EGFR: variants seen among roughly 807,000 people sequenced by gnomAD.
The protein encoded by EGFR is epidermal growth factor receptor, also known as avian erythroblastic leukemia viral (v-erb-b) oncogene homolog.
A neutral mutation model predicts 143.0 loss-of-function variants in EGFR; 58 were observed. That is an observed-to-expected ratio of 0.41 (90% CI 0.33 to 0.50). EGFR has a LOEUF of 0.50. Ranked by LOEUF, EGFR falls within the 20% of genes least tolerant of loss-of-function variation. The probability of loss-of-function intolerance (pLI) is 0.39; values close to 1 mark genes in which losing one functional copy is unlikely to be tolerated. For missense variants in EGFR, 1,307 were observed against 1,579.0 expected, an observed-to-expected ratio of 0.83 and a Z score of 2.92; for synonymous variants, 613 against 594.4, an observed-to-expected ratio of 1.03 and a Z score of -0.45.
chr7:55,112,879 C>T (rs1792598435), intron 1 of EGFR, among the ~76,000 whole-genome samples: 1 of 152,186 alleles, frequency 6.6e-6, no homozygotes, highest in Admixed American at 6.5e-5. Context: ...AGTCAAGTGC[C>T]AGTGCAACAC....
intron 1 of EGFR, among the ~76,000 whole-genome samples, chr7:55,129,236 A>G (rs1793698806): frequency 6.6e-6 from 1 of 152,222 alleles, no homozygotes; most frequent in Non-Finnish European, 1.5e-5. Context: ...CAGAGGATGT[A>G]GTTGTGTGGA....
rs1467640610 is a variant in EGFR, at chr7:55,173,020, G to T, written c.1957G>T (p.Ala653Ser). 2 of 1,614,108 alleles carry T rather than the reference G, an allele frequency of 1.2e-6. No individual in the cohort carries two copies. The highest frequency in any genetic ancestry group is 2.2e-5 in the South Asian group (2 of 91,092). ...GTCCATCGCCACTGGGATGGTGGGG[G>T]CCCTCCTCTTGCTGCTGGTGGTGGC... ...IPSIATGMVG[A>S]LLLLLVVALG... Residue 653 changes from alanine to serine, a missense_variant, in exon 17 of 28, where the codon GCC becomes TCC. Transcript: ENST00000275493.
At chr7:55,159,680 G>A (rs1785601017) in intron 11 of EGFR, among the ~76,000 whole-genome samples, 2 of 152,206 alleles carry the variant, frequency 1.3e-5, no homozygotes, top group Non-Finnish European at 2.9e-5. Flanking sequence ...TCCTGGAGAG[G>A]AGGAAACATA....
At chr7:55,077,508 G>A (rs1790194253) in intron 1 of EGFR, among the ~76,000 whole-genome samples, 1 of 152,182 alleles carries the variant, frequency 6.6e-6, no homozygotes, top group Admixed American at 6.5e-5. Flanking sequence ...TGAAAAGTGT[G>A]TGTGTGTTGT....
intron 1 of EGFR, among the ~76,000 whole-genome samples, chr7:55,047,489 C>G (rs559081568): frequency 6.6e-6 from 1 of 152,346 alleles, no homozygotes; most frequent in Non-Finnish European, 1.5e-5. Flanking sequence ...GTGGCTCACA[C>G]CTGTAATCCC....
intron 7 of EGFR, among the ~76,000 whole-genome samples, chr7:55,155,246 A>C (rs1234148798): frequency 6.6e-6 from 1 of 152,230 alleles, no homozygotes; most frequent in Non-Finnish European, 1.5e-5. Flanking sequence ...GTTTGGGACC[A>C]GCCTGGCCAA....
intron 11 of EGFR, among the ~76,000 whole-genome samples, chr7:55,159,602 C>G (rs758557156): frequency 2.8e-4 from 43 of 152,226 alleles, no homozygotes; most frequent in Admixed American, 2.8e-3. Context: ...GTTGCCCACA[C>G]TCACTGTGCT....
At chr7:55,111,539 T>A (rs1187367690) in intron 1 of EGFR, among the ~76,000 whole-genome samples, 1 of 152,184 alleles carries the variant, frequency 6.6e-6, no homozygotes, top group African/African-American at 2.4e-5. Context: ...CAAAATACTG[T>A]CTAAAAAACA....
chr7:55,116,307 C>T (rs1792838863), intron 1 of EGFR, among the ~76,000 whole-genome samples: 1 of 152,214 alleles, frequency 6.6e-6, no homozygotes, highest in African/African-American at 2.4e-5. Flanking sequence ...ACGCAATGCG[C>T]ACATCCCACC....
At chr7:55,089,753 C>A (rs1005435828) in intron 1 of EGFR, among the ~76,000 whole-genome samples, 2 of 152,134 alleles carry the variant, frequency 1.3e-5, no homozygotes, top group African/African-American at 4.8e-5. Flanking sequence ...AGACCCACCT[C>A]TCACCTTTCC....
rs2128932481 is a variant in EGFR at position 55,151,307 on chromosome 7, T to A, written c.573T>A (p.Asp191Glu). 3 of 1,614,234 alleles carry A rather than the reference T, an allele frequency of 1.9e-6. No individual in the cohort carries two copies. The highest frequency in any genetic ancestry group is 1.7e-5 in the Admixed American group (1 of 60,024). The stretch of plus-strand genomic sequence containing the variant: ...TTTACATTTCAGGCCAAAAGTGTGA[T>A]CCAAGCTGTCCCAATGGGAGCTGCT... ...QNHLGSCQKC[D>E]PSCPNGSCWG... The change falls in exon 5 of 28, where the codon GAT (aspartate) becomes GAA (glutamate). Residue 191 changes from aspartate (D) to glutamate (E), a missense_variant. Asp to Glu is a conservative substitution (Grantham distance 45). This residue lies in a region of EGFR where 311 missense variants were observed against 412.3 expected (regional missense o/e 0.75). Transcript: ENST00000275493.
intron 1 of EGFR, among the ~76,000 whole-genome samples, chr7:55,030,276 T>C (rs891291068): frequency 2.0e-5 from 3 of 152,240 alleles, no homozygotes; most frequent in Non-Finnish European, 4.4e-5. Context: ...AAATAAAGTA[T>C]TCCTCAAAAT....
At chr7:55,141,500 G>A (rs1794456280) in intron 1 of EGFR, among the ~76,000 whole-genome samples, 2 of 152,136 alleles carry the variant, frequency 1.3e-5, no homozygotes, top group Admixed American at 6.5e-5. Flanking sequence ...TGTGCTGGGT[G>A]GATCAACATG....
chr7:55,152,364 A>G (rs770121025), intron 5 of EGFR, 182 bp from the exon 6 acceptor site: 11 of 770,374 alleles, frequency 1.4e-5, no homozygotes, highest in Non-Finnish European at 1.9e-5. Context: ...ATTAAAAATA[A>G]ATCAGGAGAA....
At chr7:55,184,261 G>A (rs923824159) in intron 20 of EGFR, among the ~76,000 whole-genome samples, 4 of 152,168 alleles carry the variant, frequency 2.6e-5, no homozygotes, top group Admixed American at 6.5e-5. Flanking sequence ...ATCCCCTTTG[G>A]CTGACCTAGG....
intron 1 of EGFR, among the ~76,000 whole-genome samples, chr7:55,082,062 C>T (rs1186188826): frequency 6.6e-6 from 1 of 152,168 alleles, no homozygotes. Flanking sequence ...ACAATGCAGG[C>T]TGGGTGGTGT....
At chr7:55,101,187 T>G (rs1018045675) in intron 1 of EGFR, among the ~76,000 whole-genome samples, 1 of 152,248 alleles carries the variant, frequency 6.6e-6, no homozygotes, top group African/African-American at 2.4e-5. Flanking sequence ...CGAGGAAGCC[T>G]GCCCTGTCCT....
At chr7:55,122,999 A>G (rs1793301131) in intron 1 of EGFR, among the ~76,000 whole-genome samples, 1 of 152,262 alleles carries the variant, frequency 6.6e-6, no homozygotes, top group Non-Finnish European at 1.5e-5. Flanking sequence ...CCTTCAATGC[A>G]AAGATCTCAT....
rs2128971556 is a variant in EGFR, at chr7:55,201,232, C to T, written c.2991C>T (p.Phe997=). 1 of 1,614,180 alleles carries T rather than the reference C, an allele frequency of 6.2e-7. No homozygotes were observed. ...TGCCAAGTCCTACAGACTCCAACTT[C>T]TACCGTGCCCTGATGGATGAAGAAG... ...MHLPSPTDSN[F]YRALMDEEDM... Residue 997 remains phenylalanine, a synonymous_variant, in exon 25 of 28, where the codon TTC becomes TTT. Coordinates refer to ENST00000275493, the MANE Select transcript of EGFR (RefSeq NM_005228.5).
Sources: gnomAD v4.1 joint callset for allele counts (sites outside exome capture counted in the v4.1 genomes callset) on GRCh38, gnomAD v4.1.1 for gene constraint, gnomAD v4.1.1 regional missense constraint, MANE v1.5 for transcripts, NCBI Gene and HGNC (gene_info 2026-07-23, HGNC 2026-07-21) for gene names.